KCNIP4: variants seen among roughly 807,000 people sequenced by gnomAD.
KCNIP4 encodes Kv channel-interacting protein 4.
KCNIP4 carries 12 observed loss-of-function variants against 34.0 expected under a neutral mutation model. The ratio of observed to expected loss-of-function variants is 0.35; its 90% CI spans 0.23 to 0.57. The LOEUF (loss-of-function observed/expected upper bound fraction) is 0.57. Ranked by LOEUF, KCNIP4 falls within the 20% of genes least tolerant of loss-of-function variation. The pLI is 0.83. For synonymous variants in KCNIP4, 124 were observed against 102.2 expected, an observed-to-expected ratio of 1.21 and a Z score of -1.29; for missense variants, 238 against 311.7, an observed-to-expected ratio of 0.76 and a Z score of 1.78.
At chr4:21,334,178 A>G (rs1000187100) in intron 1 of KCNIP4, among the ~76,000 whole-genome samples, 2 of 151,848 alleles carry the variant, frequency 1.3e-5, no homozygotes, top group Non-Finnish European at 2.9e-5. Context: ...TCTCTCCTCC[A>G]CTCTGTGCCA....
intron 1 of KCNIP4, among the ~76,000 whole-genome samples, chr4:21,859,790 A>G (rs974091752): frequency 6.6e-6 from 1 of 152,150 alleles, no homozygotes. Flanking sequence ...GCACTTTGGG[A>G]AGCTGAGGTG....
intron 6 of KCNIP4, 69 bp downstream of exon 6, chr4:20,734,559 A>T: frequency 1.3e-6 from 1 of 749,336 alleles, no homozygotes; most frequent in South Asian, 2.4e-5. Flanking sequence ...TAATAATTGC[A>T]ATTAATATTT....
intron 3 of KCNIP4, among the ~76,000 whole-genome samples, chr4:20,802,643 A>G (rs1714473813): frequency 6.6e-6 from 1 of 152,182 alleles, no homozygotes; most frequent in Admixed American, 6.5e-5. Context: ...TCGAAATCAT[A>G]CCTAGTATTG....
chr4:21,242,600 T>C (rs1759915513), intron 1 of KCNIP4, among the ~76,000 whole-genome samples: 1 of 152,172 alleles, frequency 6.6e-6, no homozygotes, highest in African/African-American at 2.4e-5. Context: ...ATTGAGAGTC[T>C]GAATAGAACA....
chr4:21,282,666 G>T (rs1762851847), intron 1 of KCNIP4, among the ~76,000 whole-genome samples: 1 of 152,094 alleles, frequency 6.6e-6, no homozygotes, highest in Non-Finnish European at 1.5e-5. Flanking sequence ...TTTTTAGGCA[G>T]AAAATATAAG....
At chr4:21,232,611 A>G (rs1297644930) in intron 1 of KCNIP4, among the ~76,000 whole-genome samples, 1 of 152,288 alleles carries the variant, frequency 6.6e-6, no homozygotes. Context: ...ACTTCCATAG[A>G]TCTGGGATTT....
At chr4:21,933,481 T>C (rs1243872447) in intron 1 of KCNIP4, among the ~76,000 whole-genome samples, 1 of 152,132 alleles carries the variant, frequency 6.6e-6, no homozygotes, top group African/African-American at 2.4e-5. Context: ...CATTATTTTC[T>C]GACTTATAAA....
At chr4:20,770,623 A>C (rs919989254) in intron 3 of KCNIP4, among the ~76,000 whole-genome samples, 1 of 152,144 alleles carries the variant, frequency 6.6e-6, no homozygotes. Context: ...ATACTTGAAA[A>C]AATAAAAATT....
intron 1 of KCNIP4, chr4:21,848,946 A>ACG (rs1553937905): frequency 2.3e-5 from 3 of 128,446 alleles, no homozygotes. Flanking sequence ...ATATACATAT[A>ACG]TGTGTGTGTG....
intron 3 of KCNIP4, among the ~76,000 whole-genome samples, chr4:20,843,516 G>A (rs1243914763): frequency 6.6e-6 from 1 of 152,086 alleles, no homozygotes; most frequent in African/African-American, 2.4e-5. Flanking sequence ...GATCACCTGA[G>A]GTCAGGATTT....
At chr4:21,870,551 C>G (rs1403639568) in intron 1 of KCNIP4, among the ~76,000 whole-genome samples, 1 of 152,220 alleles carries the variant, frequency 6.6e-6, no homozygotes, top group Non-Finnish European at 1.5e-5. Context: ...CTTTTGCATA[C>G]TTGACCTCAT....
chr4:21,312,268 T>C (rs1039417019), intron 1 of KCNIP4, among the ~76,000 whole-genome samples: 2 of 152,186 alleles, frequency 1.3e-5, no homozygotes, highest in African/African-American at 4.8e-5. Flanking sequence ...TACATATGTA[T>C]TGACTCGTGG....
intron 1 of KCNIP4, among the ~76,000 whole-genome samples, chr4:21,223,112 C>A (rs928979729): frequency 6.6e-6 from 1 of 152,154 alleles, no homozygotes; most frequent in South Asian, 2.1e-4. Context: ...ATGAGGAAAT[C>A]TTCTTAGGAT....
intron 1 of KCNIP4, among the ~76,000 whole-genome samples, chr4:21,483,434 C>T (rs192307418): frequency 4.6e-5 from 7 of 151,946 alleles, no homozygotes; most frequent in African/African-American, 9.6e-5. Context: ...GAGTTTCCAA[C>T]GATTTAGTAC....
intron 1 of KCNIP4, among the ~76,000 whole-genome samples, chr4:21,634,137 C>T (rs1484032895): frequency 1.3e-5 from 2 of 148,670 alleles, no homozygotes; most frequent in Non-Finnish European, 3.0e-5. Flanking sequence ...TTAAGAATTA[C>T]TGCACTAGAC....
At chr4:20,822,006 T>C (rs923727949) in intron 3 of KCNIP4, among the ~76,000 whole-genome samples, 2 of 146,860 alleles carry the variant, frequency 1.4e-5, no homozygotes, top group Non-Finnish European at 2.9e-5. Context: ...GTCTTTTTCA[T>C]AGAGAATTCA....
intron 1 of KCNIP4, among the ~76,000 whole-genome samples, chr4:21,118,502 T>C (rs1577723498): frequency 1.3e-5 from 2 of 152,336 alleles, no homozygotes; most frequent in East Asian, 3.9e-4. Context: ...TTTTGCATTA[T>C]AAAACTTTCC....
chr4:21,381,371 A>G (rs1017936932), intron 1 of KCNIP4, among the ~76,000 whole-genome samples: 3 of 152,096 alleles, frequency 2.0e-5, no homozygotes, highest in African/African-American at 7.3e-5. Flanking sequence ...ATTAGCAATG[A>G]CACATTCTAT....
intron 1 of KCNIP4, among the ~76,000 whole-genome samples, chr4:21,916,080 T>C (rs754701437): frequency 2.0e-5 from 3 of 152,208 alleles, no homozygotes; most frequent in Non-Finnish European, 4.4e-5. Context: ...ATCCATATGT[T>C]TGGGTCAAAA....
Sources: allele counts gnomAD v4.1 joint callset (sites outside exome capture counted in the v4.1 genomes callset), GRCh38; gene constraint gnomAD v4.1.1; transcripts MANE v1.5; gene names NCBI Gene and HGNC (gene_info 2026-07-23, HGNC 2026-07-21).